GUCY1A1: variants seen among roughly 807,000 people sequenced by gnomAD.
The protein encoded by GUCY1A1 is guanylate cyclase soluble subunit alpha-1.
GUCY1A1 carries 48 observed loss-of-function variants against 64.5 expected under a neutral mutation model. The ratio of observed to expected loss-of-function variants is 0.74; its 90% confidence interval spans 0.59 to 0.95. GUCY1A1 has a LOEUF of 0.95. Among genes scored for constraint, GUCY1A1 ranks in the 40% least tolerant of loss-of-function variants. The pLI is 0.00. For missense variants in GUCY1A1, 804 were observed against 825.3 expected, an observed-to-expected ratio of 0.97 and a Z score of 0.32; for synonymous variants, 308 against 303.4, an observed-to-expected ratio of 1.02 and a Z score of -0.16.
Position 155,730,915 on chromosome 4 carries a change from T to C in GUCY1A1, c.*684T>C, listed in dbSNP as rs1735471913. On this transcript the variant is annotated 3_prime_UTR_variant, in exon 10 of 10. Transcript: ENST00000506455. The stretch of plus-strand genomic sequence containing the variant: ...GTGTGTTATAATAATAAATATTTCT[T>C]TTGTTTGACTTTTTTAAAATTCTAC... The C allele has an allele frequency of 1.3e-5, 2 of 153,294 alleles. No individual in the cohort carries two copies. The highest frequency in any genetic ancestry group is 2.9e-5 in the Non-Finnish European group (2 of 67,856). 9.5% of individuals were successfully genotyped at this position (153,294 alleles called of 1,614,324 possible).
At chr4:155,677,050 G>A (rs947679613) in intron 2 of GUCY1A1, among the ~76,000 whole-genome samples, 1 of 147,824 alleles carries the variant, frequency 6.8e-6, no homozygotes, top group Non-Finnish European at 1.5e-5. Flanking sequence ...TACTCAAAAC[G>A]TTCCTTAAGG....
At chr4:155,680,483 T>TGC (rs1553994175) in intron 2 of GUCY1A1, among the ~76,000 whole-genome samples, 35 of 147,964 alleles carry the variant, frequency 2.4e-4, no homozygotes, top group African/African-American at 8.1e-4. Flanking sequence ...TGTGTGTGTG[T>TGC]GCACATGCAT....
At chr4:155,703,803 T>A (rs1006771725) in intron 3 of GUCY1A1, 129 bp from the exon 4 acceptor site, 2 of 628,532 alleles carry the variant, frequency 3.2e-6, no homozygotes, top group African/African-American at 3.8e-5. Context: ...TCATAACATT[T>A]ATCATTCAAG....
chr4:155,720,337 TTCTATCTA>T (rs59667368), intron 8 of GUCY1A1, among the ~76,000 whole-genome samples: 12,525 of 149,858 alleles, frequency 0.084, 867 homozygotes, highest in African/African-American at 0.19. Context: ...AAGAGCTTTA[TTCTATCTA>T]TCTATCTATC....
In GUCY1A1 at chr4:155,697,173, A is replaced by G. The variant is rs369473021; in HGVS notation, c.255+51A>G. ...AAATTGTAATACTTTGAAATTGTAGAAGAATGTTTTTCCAAGGAAAATTTA... is the reference window on the plus strand; with the variant it reads ...AAATTGTAATACTTTGAAATTGTAGGAGAATGTTTTTCCAAGGAAAATTTA... On this transcript the variant is annotated intron_variant, in intron 3 of 9. Coordinates refer to ENST00000506455, the MANE Select transcript of GUCY1A1 (RefSeq NM_001130682.3). 1.4e-5 allele frequency: 20 copies of G among 1,443,270 alleles called. No homozygotes were observed. The African/African-American group carries it at 2.4e-4, about 17-fold the overall frequency. 89.4% of individuals were successfully genotyped at this position (1,443,270 alleles called of 1,614,324 possible).
At chr4:155,684,856 C>T (rs991878279) in intron 2 of GUCY1A1, among the ~76,000 whole-genome samples, 1 of 152,130 alleles carries the variant, frequency 6.6e-6, no homozygotes, top group Non-Finnish European at 1.5e-5. Flanking sequence ...ATCTCTCATG[C>T]CTTCATTTTG....
Position 155,735,469 on chromosome 4 carries a change from C to CCAGGACTTAATCT in GUCY1A1, c.*5242_*5254dup, listed in dbSNP as rs1430030763. ...TCAGGACAAAATTTAAATGTCATAT[C>CCAGGACTTAATCT]CAGGACTTAATCTCAGATATTCTGG... is the stretch of plus-strand genomic sequence containing the variant. On this transcript the variant is annotated 3_prime_UTR_variant, in exon 10 of 10. Coordinates refer to ENST00000506455, the MANE Select transcript of GUCY1A1 (RefSeq NM_001130682.3). 2 of 151,812 alleles carry CCAGGACTTAATCT rather than the reference C, an allele frequency of 1.3e-5. No homozygotes were observed. The highest frequency in any genetic ancestry group is 1.5e-5 in the Non-Finnish European group (1 of 67,898). The allele number at this position is 151,812 out of a possible 1,614,324, so 9.4% of individuals were successfully genotyped here.
intron 8 of GUCY1A1, among the ~76,000 whole-genome samples, 197 bp downstream of exon 8, chr4:155,717,499 A>G (rs1733416950): frequency 6.6e-6 from 1 of 152,178 alleles, no homozygotes; most frequent in Non-Finnish European, 1.5e-5. Flanking sequence ...TTACAGAATC[A>G]TTGAGAGGAC....
chr4:155,692,517 A>G (rs768971816), intron 2 of GUCY1A1, among the ~76,000 whole-genome samples: 1 of 151,994 alleles, frequency 6.6e-6, no homozygotes, highest in Non-Finnish European at 1.5e-5. Flanking sequence ...ATGGTATCTC[A>G]TTGTGGTTTT....
intron 3 of GUCY1A1, among the ~76,000 whole-genome samples, chr4:155,702,693 TC>T (rs1437342237): frequency 6.6e-6 from 1 of 152,170 alleles, no homozygotes; most frequent in Non-Finnish European, 1.5e-5. Flanking sequence ...TAATTTTTTT[TC>T]AGCAATTGTG....
chr4:155,673,899 C>T (rs1194661580), intron 2 of GUCY1A1, among the ~76,000 whole-genome samples: 1 of 151,526 alleles, frequency 6.6e-6, no homozygotes, highest in Non-Finnish European at 1.5e-5. Flanking sequence ...TCCTGTAACA[C>T]ATTGTGCTTC....
chr4:155,723,527 A>C (rs2126959320), intron 9 of GUCY1A1, among the ~76,000 whole-genome samples: 1 of 152,276 alleles, frequency 6.6e-6, no homozygotes, highest in South Asian at 2.1e-4. Flanking sequence ...GTAACAAAAG[A>C]GTTTTTCAGA....
At chr4:155,719,459 C>T (rs1368096047) in intron 8 of GUCY1A1, among the ~76,000 whole-genome samples, 1 of 152,154 alleles carries the variant, frequency 6.6e-6, no homozygotes, top group African/African-American at 2.4e-5. Context: ...CACGAGCAGT[C>T]AAGTCTCCTA....
chr4:155,694,291 C>T (rs2126720257), intron 2 of GUCY1A1, among the ~76,000 whole-genome samples: 1 of 152,120 alleles, frequency 6.6e-6, no homozygotes, highest in African/African-American at 2.4e-5. Flanking sequence ...GCCTGTAATT[C>T]CAGCACTTTG....
intron 2 of GUCY1A1, among the ~76,000 whole-genome samples, chr4:155,678,325 T>A (rs1220354430): frequency 6.6e-6 from 1 of 152,208 alleles, no homozygotes; most frequent in African/African-American, 2.4e-5. Context: ...TCTCAGGACA[T>A]CCCCAAGAGT....
chr4:155,713,187 T>C lies in GUCY1A1; in HGVS notation c.1176T>C (p.Asp392=), dbSNP rs200830861. ...CACCCTGTGTGGACAGATTAGAAGA[T>C]TTTACAGGACGAGGGCTCTACCTCT... ...LGSPCVDRLE[D]FTGRGLYLSD... The change falls in exon 7 of 10, where the codon GAT becomes GAC. Residue 392 remains aspartate, a synonymous_variant. Coordinates refer to ENST00000506455, the MANE Select transcript of GUCY1A1 (RefSeq NM_001130682.3). 2.5e-6 allele frequency: 4 copies of C among 1,613,974 alleles called. No individual in the cohort carries two copies. The highest frequency in any genetic ancestry group is 2.7e-5 in the African/African-American group (2 of 75,034).
intron 9 of GUCY1A1, among the ~76,000 whole-genome samples, chr4:155,724,781 G>A (rs28409115): frequency 0.45 from 68,220 of 151,522 alleles, 18,103 homozygotes; most frequent in South Asian, 0.59. Flanking sequence ...AAAATCTTTC[G>A]CCCATCCTGT....
Position 155,717,245 on chromosome 4 carries a change from C to G in GUCY1A1, c.1659C>G (p.Ala553=), listed in dbSNP as rs1437175634. The change falls in exon 8 of 10, where the codon GCC becomes GCG. Residue 553 remains alanine (A), a synonymous_variant. Transcript: ENST00000506455. ...DTHAVQIALM[A]LKMMELSDEV... is the part of the protein sequence containing the mutation. ...ATGCTGTTCAGATAGCGCTGATGGC[C>G]CTGAAGATGATGGAGCTCTCTGATG... The G allele has an allele frequency of 2.6e-5, 42 of 1,596,380 alleles. No individual in the cohort carries two copies. Among genetic ancestry groups the G allele is most frequent in the Non-Finnish European group, 3.6e-5 (42 of 1,169,334 alleles).
intron 2 of GUCY1A1, among the ~76,000 whole-genome samples, chr4:155,685,701 C>A (rs1728912782): frequency 6.9e-6 from 1 of 143,962 alleles, no homozygotes; most frequent in African/African-American, 2.5e-5. Flanking sequence ...TGGTAAGATT[C>A]TATCTCCAGC....
Sources: allele counts gnomAD v4.1 joint callset (sites outside exome capture counted in the v4.1 genomes callset), GRCh38; gene constraint gnomAD v4.1.1; transcripts MANE v1.5; gene names NCBI Gene and HGNC (gene_info 2026-07-23, HGNC 2026-07-21).